CNTN5: variants seen among roughly 807,000 people sequenced by gnomAD.
CNTN5 encodes contactin-5.
In CNTN5, 77 loss-of-function variants were observed where a neutral mutation model predicts 129.1. The observed-to-expected ratio is 0.60, with a 90% confidence interval of 0.50 to 0.72. CNTN5 has a LOEUF of 0.72. CNTN5 is among the 30% of genes least tolerant of loss of function. The probability of loss-of-function intolerance (pLI) is 0.00; values close to 1 mark genes in which losing one functional copy is unlikely to be tolerated. For synonymous variants in CNTN5, 509 were observed against 465.6 expected (o/e 1.09, Z -1.20); for missense variants, 1,478 against 1,328.8 (o/e 1.11, Z -1.75).
At chr11:99,719,717 A>G (rs1322754630) in intron 3 of CNTN5, among the ~76,000 whole-genome samples, 1 of 152,150 alleles carries the variant, frequency 6.6e-6, no homozygotes, top group Non-Finnish European at 1.5e-5. Flanking sequence ...GGAAATCGAG[A>G]CACAAAACTT....
intron 6 of CNTN5, among the ~76,000 whole-genome samples, chr11:99,876,274 C>G (rs1948630629): frequency 6.6e-6 from 1 of 152,072 alleles, no homozygotes; most frequent in African/African-American, 2.4e-5. Context: ...GCCCTTTTTC[C>G]TAATCTGTTA....
intron 8 of CNTN5, among the ~76,000 whole-genome samples, chr11:100,000,147 T>TA (rs1428704686): frequency 6.6e-6 from 1 of 151,722 alleles, no homozygotes; most frequent in Admixed American, 6.6e-5. Context: ...TCCTAAAACT[T>TA]AAAGTATAAT....
intron 4 of CNTN5, among the ~76,000 whole-genome samples, chr11:99,822,034 G>C (rs1946817441): frequency 6.6e-6 from 1 of 152,130 alleles, no homozygotes; most frequent in African/African-American, 2.4e-5. Flanking sequence ...ACAAGAGTCT[G>C]ACGTATGGCT....
intron 3 of CNTN5, among the ~76,000 whole-genome samples, chr11:99,567,260 G>T (rs2135566409): frequency 6.6e-6 from 1 of 152,222 alleles, no homozygotes; most frequent in African/African-American, 2.4e-5. Context: ...GAGCCACAGT[G>T]ACCTCCTTCC....
rs140735411 is a variant in CNTN5 at position 99,906,357 on chromosome 11, T to A, written c.578-9697T>A. ...GTTTTTAGCATGAAGGGGTGGGGTG[T>A]TGAATTTTGTTGAAGGTCGTTTTTG... On this transcript the variant is annotated intron_variant, in intron 6 of 24. Coordinates refer to ENST00000524871, the MANE Select transcript of CNTN5 (RefSeq NM_014361.4). 7.9e-5 allele frequency among the ~76,000 whole-genome samples: 12 copies of A among 152,280 alleles called. No homozygotes were observed. In the East Asian group the frequency reaches 1.4e-3, roughly 17 times the overall value.
At chr11:99,962,592 AT>A (rs1950979172) in intron 8 of CNTN5, among the ~76,000 whole-genome samples, 1 of 151,000 alleles carries the variant, frequency 6.6e-6, no homozygotes, top group African/African-American at 2.4e-5. Context: ...AGTCTTTGCT[AT>A]TGTGAATAAT....
intron 1 of CNTN5, among the ~76,000 whole-genome samples, chr11:99,285,789 G>A (rs1863911895): frequency 6.6e-6 from 1 of 152,018 alleles, no homozygotes; most frequent in African/African-American, 2.4e-5. Flanking sequence ...TGTAATCCCA[G>A]CACTTTGGGA....
intron 2 of CNTN5, among the ~76,000 whole-genome samples, chr11:99,474,129 G>A (rs1321587487): frequency 1.3e-5 from 2 of 151,918 alleles, no homozygotes; most frequent in African/African-American, 2.4e-5. Flanking sequence ...TCTATAATAT[G>A]CCTGATTCCA....
intron 3 of CNTN5, among the ~76,000 whole-genome samples, chr11:99,638,765 C>T (rs1951659565): frequency 6.6e-6 from 1 of 152,180 alleles, no homozygotes; most frequent in South Asian, 2.1e-4. Context: ...GAGATGGGTT[C>T]CCATGATCTT....
chr11:99,726,252 C>T (rs545685308), intron 3 of CNTN5, among the ~76,000 whole-genome samples: 1 of 152,276 alleles, frequency 6.6e-6, no homozygotes, highest in Non-Finnish European at 1.5e-5. Flanking sequence ...AGTTACTTGT[C>T]TGGGAGATCT....
At chr11:100,315,279 T>C (rs1043487619) in intron 21 of CNTN5, among the ~76,000 whole-genome samples, 2 of 152,296 alleles carry the variant, frequency 1.3e-5, no homozygotes, top group African/African-American at 4.8e-5. Flanking sequence ...GTTTAAGAAA[T>C]AATAAACCAA....
At chr11:99,367,015 GATAGA>G (rs937685087) in intron 2 of CNTN5, among the ~76,000 whole-genome samples, 3 of 152,092 alleles carry the variant, frequency 2.0e-5, no homozygotes, top group Admixed American at 6.6e-5. Flanking sequence ...ATTTGTTTTT[GATAGA>G]ATAGAATCAA....
At chr11:99,109,467 T>C (rs958718408) in intron 1 of CNTN5, among the ~76,000 whole-genome samples, 22 of 152,106 alleles carry the variant, frequency 1.4e-4, no homozygotes, top group Non-Finnish European at 1.5e-5. Flanking sequence ...TGAAGATACG[T>C]AAGGGACTTT....
chr11:99,546,923 T>C (rs2135511340), intron 2 of CNTN5, among the ~76,000 whole-genome samples: 1 of 152,270 alleles, frequency 6.6e-6, no homozygotes, highest in South Asian at 2.1e-4. Context: ...AAGTAAGAAA[T>C]GTTATAGGGA....
intron 1 of CNTN5, among the ~76,000 whole-genome samples, chr11:99,255,156 T>G (rs1461477738): frequency 6.6e-6 from 1 of 151,876 alleles, no homozygotes; most frequent in African/African-American, 2.4e-5. Flanking sequence ...TTGAATAGAA[T>G]AGAACATCAA....
At chr11:99,774,249 C>G (rs940150810) in intron 3 of CNTN5, among the ~76,000 whole-genome samples, 5 of 151,124 alleles carry the variant, frequency 3.3e-5, no homozygotes, top group Admixed American at 3.3e-4. Context: ...GTGGGTAAAT[C>G]TTCCCAACAC....
intron 2 of CNTN5, among the ~76,000 whole-genome samples, chr11:99,393,508 G>A (rs1057198107): frequency 6.6e-6 from 1 of 151,764 alleles, no homozygotes; most frequent in Non-Finnish European, 1.5e-5. Context: ...GGCAAAGGGA[G>A]CTAAGTAAGT....
chr11:99,108,785 G>C (rs560632690), intron 1 of CNTN5, among the ~76,000 whole-genome samples: 4 of 151,942 alleles, frequency 2.6e-5, no homozygotes. Flanking sequence ...ATTTTGTGTT[G>C]AATTAATGGG....
chr11:100,235,319 T>C (rs1949586686), intron 16 of CNTN5, among the ~76,000 whole-genome samples: 1 of 152,118 alleles, frequency 6.6e-6, no homozygotes, highest in South Asian at 2.1e-4. Context: ...TCATGTGATG[T>C]AGGAGATCAG....
Sources: gnomAD v4.1 joint callset for allele counts (sites outside exome capture counted in the v4.1 genomes callset) on GRCh38, gnomAD v4.1.1 for gene constraint, MANE v1.5 for transcripts, NCBI Gene and HGNC (gene_info 2026-07-23, HGNC 2026-07-21) for gene names.